Variants in GALNT7 observed in about 807,000 individuals in gnomAD.
GALNT7 encodes N-acetylgalactosaminyltransferase 7.
GALNT7 carries 60 observed loss-of-function variants against 82.1 expected under a neutral mutation model. The ratio of observed to expected loss-of-function variants is 0.73; its 90% CI spans 0.59 to 0.91. GALNT7 has a LOEUF of 0.91. Among genes scored for constraint, GALNT7 ranks in the 40% least tolerant of loss-of-function variants. GALNT7 has a pLI of 0.00. For missense variants in GALNT7, 660 were observed against 804.2 expected (o/e 0.82, Z 2.17); for synonymous variants, 243 against 275.1 (o/e 0.88, Z 1.15).
At chr4:173,293,613 A>G (rs149349347) in intron 3 of GALNT7, among the ~76,000 whole-genome samples, 1 of 152,374 alleles carries the variant, frequency 6.6e-6, no homozygotes, top group East Asian at 1.9e-4. Context: ...GCATCACAGT[A>G]TCCTCTATAA....
At chr4:173,305,362 T>C (rs1227140192) in intron 8 of GALNT7, among the ~76,000 whole-genome samples, 1 of 152,208 alleles carries the variant, frequency 6.6e-6, no homozygotes, top group African/African-American at 2.4e-5. Flanking sequence ...TTTGCAGATG[T>C]AGCCTCCCAT....
At chr4:173,295,212 G>T (rs1472907773) in intron 3 of GALNT7, among the ~76,000 whole-genome samples, 184 bp from the exon 4 acceptor site, 2 of 152,132 alleles carry the variant, frequency 1.3e-5, no homozygotes, top group Non-Finnish European at 2.9e-5. Context: ...TTCTCTGTAG[G>T]CATAGTAAAC....
At chr4:173,271,116 C>T (rs990976709) in intron 2 of GALNT7, among the ~76,000 whole-genome samples, 1 of 152,192 alleles carries the variant, frequency 6.6e-6, no homozygotes, top group African/African-American at 2.4e-5. Context: ...GATGCATTTT[C>T]AGCAAAGCCA....
intron 1 of GALNT7, among the ~76,000 whole-genome samples, chr4:173,228,791 A>G (rs188883667): frequency 6.6e-6 from 1 of 152,328 alleles, no homozygotes; most frequent in East Asian, 1.9e-4. Context: ...TATGTTTATG[A>G]AAAACAGATT....
intron 1 of GALNT7, among the ~76,000 whole-genome samples, chr4:173,218,613 T>C (rs1733545411): frequency 6.6e-6 from 1 of 152,184 alleles, no homozygotes; most frequent in Admixed American, 6.5e-5. Flanking sequence ...GCCACTTAGA[T>C]TTCCTGTTTC....
chr4:173,295,968 C>T (rs1736704816), intron 5 of GALNT7, 125 bp downstream of exon 5: 2 of 682,110 alleles, frequency 2.9e-6, no homozygotes, highest in African/African-American at 1.8e-5. Context: ...AGTGTTATCC[C>T]TCATCTATTT....
At chr4:173,205,196 C>T (rs1733047454) in intron 1 of GALNT7, among the ~76,000 whole-genome samples, 1 of 152,036 alleles carries the variant, frequency 6.6e-6, no homozygotes, top group Admixed American at 6.6e-5. Context: ...TGATCTGAAG[C>T]CTGGGGGGCT....
At chr4:173,321,087 T>G (rs889926435) in intron 11 of GALNT7, among the ~76,000 whole-genome samples, 2 of 152,132 alleles carry the variant, frequency 1.3e-5, no homozygotes, top group Non-Finnish European at 2.9e-5. Flanking sequence ...GACCAGACTT[T>G]GAGAAGCTCT....
At position 173,298,296 on chromosome 4, in the gene GALNT7, C is replaced by A; in HGVS notation, c.1147C>A (p.Arg383=). The A allele has an allele frequency of 6.4e-7, 1 of 1,551,082 alleles. No homozygotes were observed. Among genetic ancestry groups the A allele is most frequent in the Non-Finnish European group, 8.7e-7 (1 of 1,153,972 alleles). ...RLRKTKTEPY[R]SPAMAGGLFA... The stretch of plus-strand genomic sequence containing the variant: ...GAGAAAGACAAAAACTGAACCGTAT[C>A]GGTAATCACTAAATCACTTACATAT... Residue 383 remains arginine, a splice_region_variant and synonymous_variant, in exon 6 of 12, where the codon CGG becomes AGG. Transcript: ENST00000265000.
chr4:173,257,117 A>C (rs929369856), intron 2 of GALNT7, among the ~76,000 whole-genome samples: 6 of 152,188 alleles, frequency 3.9e-5, no homozygotes, highest in Admixed American at 6.5e-5. Context: ...GAGAGAAGGC[A>C]ATCTTTAAAA....
chr4:173,305,049 G>T (rs1236275673), intron 8 of GALNT7, among the ~76,000 whole-genome samples: 1 of 151,870 alleles, frequency 6.6e-6, no homozygotes, highest in Non-Finnish European at 1.5e-5. Flanking sequence ...TAATGAGATT[G>T]CTAGATCAGA....
At chr4:173,238,900 T>C (rs929935858) in intron 1 of GALNT7, among the ~76,000 whole-genome samples, 4 of 152,232 alleles carry the variant, frequency 2.6e-5, no homozygotes, top group Admixed American at 6.5e-5. Context: ...GAATAAAAGT[T>C]TTTTTGTAAA....
At chr4:173,286,534 A>G (rs1303345351) in intron 2 of GALNT7, among the ~76,000 whole-genome samples, 1 of 152,230 alleles carries the variant, frequency 6.6e-6, no homozygotes, top group African/African-American at 2.4e-5. Flanking sequence ...TAGGTAACCC[A>G]CTGGCTGTTG....
chr4:173,299,165 G>T lies in GALNT7; in HGVS notation c.1148+868G>T, dbSNP rs532633562. 2.0e-5 allele frequency among the ~76,000 whole-genome samples: 3 copies of T among 152,254 alleles called. No individual in the cohort carries two copies. The South Asian group carries it at 6.2e-4, about 32-fold the overall frequency. On this transcript the variant is annotated intron_variant, in intron 6 of 11. Coordinates refer to ENST00000265000, the MANE Select transcript of GALNT7 (RefSeq NM_017423.3). ...GATGTTAGAACTCTGTTTTGGGAAGGTGCTTCCAATGTTATGGAAACGCTG... is the reference window on the plus strand; with the variant it reads ...GATGTTAGAACTCTGTTTTGGGAAGTTGCTTCCAATGTTATGGAAACGCTG...
chr4:173,219,402 G>A (rs1409617149), intron 1 of GALNT7, among the ~76,000 whole-genome samples: 1 of 152,040 alleles, frequency 6.6e-6, no homozygotes, highest in African/African-American at 2.4e-5. Flanking sequence ...TGATTGATGG[G>A]CATTTGGGCT....
intron 2 of GALNT7, among the ~76,000 whole-genome samples, chr4:173,257,370 A>G (rs1448473215): frequency 1.3e-5 from 2 of 152,212 alleles, no homozygotes; most frequent in Non-Finnish European, 2.9e-5. Flanking sequence ...TCTTGAATGC[A>G]CTTATAAATA....
chr4:173,170,842 C>T (rs1296789737), intron 1 of GALNT7, among the ~76,000 whole-genome samples: 1 of 152,084 alleles, frequency 6.6e-6, no homozygotes, highest in African/African-American at 2.4e-5. Context: ...AAAGAGGTGG[C>T]GGAACATCAG....
Position 173,224,591 on chromosome 4 carries a change from A to G in GALNT7, c.127-23389A>G, listed in dbSNP as rs560718487. ...TTAATTTTAAAAATTATATTTGTAT[A>G]TCACACTTAAAACTTGCAATATATT... On this transcript the variant is annotated intron_variant, in intron 1 of 11. Transcript: ENST00000265000. 6.8e-4 allele frequency among the ~76,000 whole-genome samples: 104 copies of G among 152,340 alleles called. 1 individual carries two copies. Among genetic ancestry groups the G allele is most frequent in the African/African-American group, 2.3e-3 (95 of 41,590 alleles).
At chr4:173,291,012 C>T (rs948431989) in intron 2 of GALNT7, among the ~76,000 whole-genome samples, 7 of 152,174 alleles carry the variant, frequency 4.6e-5, no homozygotes, top group Middle Eastern at 3.2e-3. Context: ...TTTCTAATTC[C>T]GTCCTGTCTC....
Sources: allele counts gnomAD v4.1 joint callset (sites outside exome capture counted in the v4.1 genomes callset), GRCh38; gene constraint gnomAD v4.1.1; transcripts MANE v1.5; gene names NCBI Gene and HGNC (gene_info 2026-07-23, HGNC 2026-07-21).